The following NRCAM variants were observed in gnomAD, a reference collection of about 807,000 sequenced individuals.
NRCAM encodes neuronal cell adhesion molecule.
In NRCAM, 83 loss-of-function variants were observed where a neutral mutation model predicts 156.5. That is an observed-to-expected ratio of 0.53 (90% CI 0.44 to 0.64). NRCAM has a LOEUF of 0.64. Ranked by LOEUF, NRCAM falls within the 30% of genes least tolerant of loss-of-function variation. NRCAM has a pLI of 0.00. For missense variants in NRCAM, 1,417 were observed against 1,597.3 expected, an observed-to-expected ratio of 0.89 and a Z score of 1.92; for synonymous variants, 538 against 563.9, an observed-to-expected ratio of 0.95 and a Z score of 0.65.
intron 1 of NRCAM, among the ~76,000 whole-genome samples, chr7:108,425,106 C>T (rs148509019): frequency 1.5e-4 from 23 of 152,184 alleles, no homozygotes; most frequent in African/African-American, 5.1e-4. Context: ...CAAGCATGTG[C>T]ACATGAGCAA....
chr7:108,412,345 T>C (rs1796457489), intron 1 of NRCAM, among the ~76,000 whole-genome samples: 2 of 152,184 alleles, frequency 1.3e-5, no homozygotes, highest in South Asian at 2.1e-4. Context: ...TTGCTCAGAT[T>C]CTAAGACTGT....
chr7:108,455,408 C>A (rs1855826376), intron 1 of NRCAM, among the ~76,000 whole-genome samples: 1 of 152,144 alleles, frequency 6.6e-6, no homozygotes, highest in African/African-American at 2.4e-5. Context: ...GGAGCGGATG[C>A]CAGATCCCAC....
chr7:108,433,103 G>A (rs1827735866), intron 1 of NRCAM, among the ~76,000 whole-genome samples: 1 of 152,176 alleles, frequency 6.6e-6, no homozygotes, highest in Non-Finnish European at 1.5e-5. Flanking sequence ...TGCAAATGGA[G>A]GCTCTCTTTG....
chr7:108,217,895 C>T (rs1211749944), intron 11 of NRCAM, among the ~76,000 whole-genome samples: 2 of 152,120 alleles, frequency 1.3e-5, no homozygotes, highest in East Asian at 3.9e-4. Flanking sequence ...CACTTGGCTC[C>T]CTGGCTTCAG....
intron 3 of NRCAM, among the ~76,000 whole-genome samples, chr7:108,267,605 G>T (rs995685811): frequency 5.9e-5 from 9 of 152,248 alleles, no homozygotes; most frequent in African/African-American, 1.7e-4. Flanking sequence ...AAAGGGAAAC[G>T]GTTTTATTCC....
intron 2 of NRCAM, among the ~76,000 whole-genome samples, chr7:108,335,709 A>G (rs1260734006): frequency 6.6e-6 from 1 of 152,074 alleles, no homozygotes; most frequent in Non-Finnish European, 1.5e-5. Context: ...CTCCAGCTGA[A>G]CCACAGAAAT....
intron 1 of NRCAM, among the ~76,000 whole-genome samples, chr7:108,451,261 T>C (rs1850044121): frequency 6.6e-6 from 1 of 151,174 alleles, no homozygotes; most frequent in South Asian, 2.1e-4. Flanking sequence ...GTAACAGTGA[T>C]TGCACTTCAA....
At chr7:108,214,699 A>G (rs1447403742) in intron 11 of NRCAM, among the ~76,000 whole-genome samples, 2 of 152,084 alleles carry the variant, frequency 1.3e-5, no homozygotes, top group Non-Finnish European at 2.9e-5. Flanking sequence ...ATGTTAGGGT[A>G]TCAAATTTAG....
At chr7:108,351,475 G>A (rs774957401) in intron 2 of NRCAM, among the ~76,000 whole-genome samples, 3 of 152,192 alleles carry the variant, frequency 2.0e-5, no homozygotes, top group Non-Finnish European at 4.4e-5. Context: ...ACTCTGGAGG[G>A]CCAGGAGGCA....
At position 108,405,679 on chromosome 7, in the gene NRCAM, C is replaced by T. The variant is rs114999032; in HGVS notation, c.-331-6086G>A. On this transcript the variant is annotated intron_variant, in intron 1 of 32. Transcript: ENST00000379028. ...ACTTTGCAAAGAGGAGGGAAAGCCA[C>T]TAGATGACATTACGTTTTAGTTAAA... is the stretch of plus-strand genomic sequence containing the variant. Among the ~76,000 whole-genome samples, 108 of 152,244 alleles carry T rather than the reference C, an allele frequency of 7.1e-4. 2 individuals carry two copies. The highest frequency in any genetic ancestry group is 2.5e-3 in the African/African-American group (104 of 41,548).
At chr7:108,209,024 C>G (rs2082648117) in intron 12 of NRCAM, among the ~76,000 whole-genome samples, 2 of 152,310 alleles carry the variant, frequency 1.3e-5, no homozygotes, top group South Asian at 4.2e-4. Flanking sequence ...TGTGGACACG[C>G]TAAAACTTCC....
chr7:108,373,382 T>A (rs1421120680), intron 2 of NRCAM, among the ~76,000 whole-genome samples: 1 of 152,182 alleles, frequency 6.6e-6, no homozygotes, highest in Non-Finnish European at 1.5e-5. Context: ...ACATTTTTAA[T>A]GTGAAAGGCT....
intron 3 of NRCAM, among the ~76,000 whole-genome samples, chr7:108,254,556 T>TTATTTA (rs1464671121): frequency 8.0e-5 from 12 of 150,556 alleles, no homozygotes; most frequent in African/African-American, 3.0e-4. Flanking sequence ...TTTTGCTTTT[T>TTATTTA]TTTTTTTTTT....
Position 108,149,064 on chromosome 7 carries a change from A to T in NRCAM, c.*846T>A, listed in dbSNP as rs1455703387. On this transcript the variant is annotated 3_prime_UTR_variant, in exon 33 of 33. Transcript: ENST00000379028. ...AATGCACGATGTTGTGGAATGCTTAATATCTGAAGGCACTGTATGTGTCTT... is the reference window on the plus strand; with the variant it reads ...AATGCACGATGTTGTGGAATGCTTATTATCTGAAGGCACTGTATGTGTCTT... The T allele has an allele frequency of 1.3e-5, 2 of 152,654 alleles. No homozygotes were observed. Among genetic ancestry groups the T allele is most frequent in the African/African-American group, 4.8e-5 (2 of 41,472 alleles). 9.5% of individuals were successfully genotyped at this position (152,654 alleles called of 1,614,324 possible).
At chr7:108,162,214 A>G (rs151101972) in intron 30 of NRCAM, among the ~76,000 whole-genome samples, 1 of 152,374 alleles carries the variant, frequency 6.6e-6, no homozygotes, top group Non-Finnish European at 1.5e-5. Flanking sequence ...ATACTGCTGT[A>G]ATGCATTCCT....
chr7:108,247,335 ATCCAAATGTGCAGGTC>A (rs372813708), intron 3 of NRCAM, among the ~76,000 whole-genome samples: 5 of 152,242 alleles, frequency 3.3e-5, no homozygotes, highest in African/African-American at 1.2e-4. Flanking sequence ...AGGACTGATG[ATCCAAATGTGCAGGTC>A]TCCTTACAAG....
Position 108,326,514 on chromosome 7 carries a change from A to G in NRCAM, c.-173-13783T>C, listed in dbSNP as rs150205515. ...AGATTTCCTGAGAAAAATGGAAAGA[A>G]ACCATGAAAATCAAACTATAATCAG... On this transcript the variant is annotated intron_variant, in intron 2 of 32. Coordinates refer to ENST00000379028, the MANE Select transcript of NRCAM (RefSeq NM_001037132.4). Among the ~76,000 whole-genome samples the G allele has an allele frequency of 2.9e-3, 435 of 152,328 alleles. 2 individuals carry two copies. Among genetic ancestry groups the G allele is most frequent in the African/African-American group, 0.01 (423 of 41,576 alleles).
chr7:108,371,812 AT>A (rs2099630538), intron 2 of NRCAM, among the ~76,000 whole-genome samples: 1 of 152,170 alleles, frequency 6.6e-6, no homozygotes, highest in Non-Finnish European at 1.5e-5. Flanking sequence ...TGATCTACAG[AT>A]TCAATACAAT....
At chr7:108,277,881 A>C (rs2097700282) in intron 3 of NRCAM, among the ~76,000 whole-genome samples, 1 of 151,978 alleles carries the variant, frequency 6.6e-6, no homozygotes, top group African/African-American at 2.4e-5. Context: ...GGTTTTATCT[A>C]CCTTTGGTCT....
Sources: allele counts gnomAD v4.1 joint callset (sites outside exome capture counted in the v4.1 genomes callset), GRCh38; gene constraint gnomAD v4.1.1; transcripts MANE v1.5; gene names NCBI Gene and HGNC (gene_info 2026-07-23, HGNC 2026-07-21).